The following TENM2 variants were observed in gnomAD, a reference collection of about 807,000 sequenced individuals.
The protein encoded by TENM2 is teneurin-2.
In TENM2, 52 loss-of-function variants were observed where a neutral mutation model predicts 245.2. That is an observed-to-expected ratio of 0.21 (90% confidence interval 0.17 to 0.27). The LOEUF is 0.27. Among genes scored for constraint, TENM2 ranks in the 10% least tolerant of loss-of-function variants. The probability of loss-of-function intolerance (pLI) is 1.00; values close to 1 mark genes in which losing one functional copy is unlikely to be tolerated. For synonymous variants in TENM2, 1,363 were observed against 1,438.9 expected, an observed-to-expected ratio of 0.95 and a Z score of 1.19; for missense variants, 3,046 against 3,666.8, an observed-to-expected ratio of 0.83 and a Z score of 4.37.
At chr5:167,109,288 G>A in the TENM2 span, among the ~76,000 whole-genome samples, 26 of 149,424 alleles carry the variant, frequency 1.7e-4, no homozygotes, top group Non-Finnish European at 3.5e-4. Context: ...TAACTGAGCA[G>A]CTCTCATTTG....
intron 5 of TENM2, among the ~76,000 whole-genome samples, chr5:167,997,241 G>C (rs535851600): frequency 6.6e-5 from 10 of 152,228 alleles, no homozygotes; most frequent in African/African-American, 2.4e-4. Context: ...TCTCCTTGAA[G>C]GTCTTTCTCT....
At chr5:167,637,053 C>T (rs1779248036) in intron 2 of TENM2, among the ~76,000 whole-genome samples, 1 of 152,150 alleles carries the variant, frequency 6.6e-6, no homozygotes, top group Non-Finnish European at 1.5e-5. Flanking sequence ...CTCTGTTGCT[C>T]ATGCACGATA....
intron 5 of TENM2, among the ~76,000 whole-genome samples, chr5:168,032,571 C>T (rs1448853153): frequency 5.3e-5 from 8 of 151,714 alleles, no homozygotes; most frequent in Admixed American, 3.9e-4. Context: ...CGAGAAGGAC[C>T]GATCCCATAG....
chr5:167,281,228 A>T (rs1252313017), upstream of TENM2, among the ~76,000 whole-genome samples: 1 of 149,184 alleles, frequency 6.7e-6, no homozygotes, highest in African/African-American at 2.5e-5. Context: ...CTTCCTCAGC[A>T]TCTTGAGTAG....
At chr5:167,408,755 T>G (rs1263601121) in intron 2 of TENM2, among the ~76,000 whole-genome samples, 1 of 151,240 alleles carries the variant, frequency 6.6e-6, no homozygotes, top group East Asian at 1.9e-4. Context: ...ATTTTAGACT[T>G]GCAGGCTTTC....
At chr5:167,768,128 G>A (rs1358504570) in intron 2 of TENM2, among the ~76,000 whole-genome samples, 2 of 152,142 alleles carry the variant, frequency 1.3e-5, no homozygotes, top group Non-Finnish European at 2.9e-5. Context: ...CCCCTGTGCT[G>A]TGTTGACATT....
At chr5:167,682,408 C>G (rs1375340397) in intron 2 of TENM2, among the ~76,000 whole-genome samples, 2 of 152,002 alleles carry the variant, frequency 1.3e-5, no homozygotes, top group African/African-American at 4.8e-5. Flanking sequence ...GGCAACCTGC[C>G]CGCCTCAGCC....
At chr5:167,363,451 G>T (rs558492306) in intron 1 of TENM2, among the ~76,000 whole-genome samples, 2 of 152,200 alleles carry the variant, frequency 1.3e-5, no homozygotes, top group East Asian at 3.9e-4. Flanking sequence ...AGTATGTAAG[G>T]ATGGGCACGG....
chr5:168,071,842 G>A (rs971087147), intron 7 of TENM2, among the ~76,000 whole-genome samples: 53 of 152,180 alleles, frequency 3.5e-4, no homozygotes, highest in African/African-American at 1.2e-3. Flanking sequence ...GAGCCGAGCC[G>A]AACTCACAGT....
intron 2 of TENM2, among the ~76,000 whole-genome samples, chr5:167,474,247 A>C (rs958712723): frequency 3.3e-5 from 5 of 152,158 alleles, no homozygotes; most frequent in African/African-American, 7.2e-5. Flanking sequence ...ATATTTGCTC[A>C]AACTGTAACA....
chr5:167,964,473 A>C (rs1362696460), intron 4 of TENM2, among the ~76,000 whole-genome samples: 1 of 152,232 alleles, frequency 6.6e-6, no homozygotes, highest in Non-Finnish European at 1.5e-5. Flanking sequence ...ATGGTCATTC[A>C]TTAATTATTC....
chr5:167,408,213 C>A (rs963635474), intron 2 of TENM2, among the ~76,000 whole-genome samples: 4 of 152,192 alleles, frequency 2.6e-5, no homozygotes, highest in African/African-American at 9.6e-5. Context: ...ATGATCTTTC[C>A]AATCATTTCA....
chr5:168,014,806 T>C (rs1205704203), intron 5 of TENM2, among the ~76,000 whole-genome samples: 1 of 152,152 alleles, frequency 6.6e-6, no homozygotes, highest in Non-Finnish European at 1.5e-5. Context: ...GCCCAGGGTC[T>C]CATGAGTGAC....
At chr5:167,100,217 G>A in the TENM2 span, among the ~76,000 whole-genome samples, 1 of 152,114 alleles carries the variant, frequency 6.6e-6, no homozygotes, top group East Asian at 1.9e-4. Flanking sequence ...ACAGATACTG[G>A]GTGAATGATC....
chr5:167,961,454 G>C (rs1781007579), intron 4 of TENM2, among the ~76,000 whole-genome samples: 1 of 152,118 alleles, frequency 6.6e-6, no homozygotes, highest in Non-Finnish European at 1.5e-5. Flanking sequence ...TACGTTAACA[G>C]ACTATTATTT....
chr5:168,241,422 T>A (rs1433939233), intron 25 of TENM2, among the ~76,000 whole-genome samples: 1 of 105,186 alleles, frequency 9.5e-6, no homozygotes, highest in Non-Finnish European at 1.9e-5. Context: ...GCTTGGCTAA[T>A]TTTTTTTTTT....
At chr5:167,518,819 G>A (rs1222229896) in intron 2 of TENM2, among the ~76,000 whole-genome samples, 1 of 152,124 alleles carries the variant, frequency 6.6e-6, no homozygotes, top group East Asian at 1.9e-4. Flanking sequence ...TGGTGTGCTT[G>A]ATTCAGCTGG....
chr5:167,308,959 A>G (rs1322511276), intron 1 of TENM2, among the ~76,000 whole-genome samples: 1 of 149,464 alleles, frequency 6.7e-6, no homozygotes, highest in Non-Finnish European at 1.5e-5. Flanking sequence ...CAACCTTGAC[A>G]CTTAATAAAA....
In TENM2 at chr5:167,755,185, G is replaced by A. The variant is rs1345834088; in HGVS notation, c.503-120801G>A. ...TTCTCCATGGGAAGGTTGTGATGGA[G>A]TCTCTGGGTAAGGATGATGGATGTG... is the stretch of plus-strand genomic sequence containing the variant. On this transcript the variant is annotated intron_variant, in intron 2 of 28. Coordinates refer to ENST00000518659, the Ensembl canonical transcript of TENM2. The A allele has an allele frequency of 1.9e-6, 3 of 1,598,582 alleles. No individual in the cohort carries two copies. In the African/African-American group the frequency reaches 4.0e-5, roughly 21 times the overall value.
Sources: allele counts gnomAD v4.1 joint callset (sites outside exome capture counted in the v4.1 genomes callset), GRCh38; gene constraint gnomAD v4.1.1; transcripts MANE v1.5; gene names NCBI Gene and HGNC (gene_info 2026-07-23, HGNC 2026-07-21).